The following TCF4 variants were observed in gnomAD, a reference collection of about 807,000 sequenced individuals.
TCF4 encodes the protein transcription factor 4.
TCF4 carries 3 observed loss-of-function variants against 82.1 expected under a neutral mutation model. The ratio of observed to expected loss-of-function variants is 0.04; its 90% CI spans 0.02 to 0.09. The LOEUF (loss-of-function observed/expected upper bound fraction) is 0.09. TCF4 is among the 10% of genes least tolerant of loss of function. The pLI, the probability that TCF4 is intolerant of heterozygous loss-of-function variation, is 1.00. For missense variants in TCF4, 518 were observed against 852.7 expected (o/e 0.61, Z 4.89); for synonymous variants, 276 against 309.6 (o/e 0.89, Z 1.14).
intron 8 of TCF4, among the ~76,000 whole-genome samples, chr18:55,330,320 C>CA (rs1569034801): frequency 6.6e-6 from 1 of 150,834 alleles, no homozygotes; most frequent in African/African-American, 2.4e-5. Context: ...GCTAGGAGTA[C>CA]AGGTGTGTGC....
chr18:55,342,609 A>T (rs1055507937), intron 8 of TCF4, among the ~76,000 whole-genome samples: 12 of 152,212 alleles, frequency 7.9e-5, no homozygotes, highest in African/African-American at 2.7e-4. Context: ...TTTAGTAGTA[A>T]CGCAAAATGA....
chr18:55,347,768 G>A (rs974241235), intron 8 of TCF4, among the ~76,000 whole-genome samples: 11 of 152,074 alleles, frequency 7.2e-5, no homozygotes, highest in African/African-American at 2.7e-4. Flanking sequence ...GAAAGAGAGG[G>A]CCCACTTCAA....
chr18:55,471,564 C>G (rs1191324723), intron 3 of TCF4, among the ~76,000 whole-genome samples: 1 of 152,020 alleles, frequency 6.6e-6, no homozygotes, highest in Non-Finnish European at 1.5e-5. Context: ...GCCAAGAGTT[C>G]GAGATCAGCC....
chr18:55,445,892 C>T (rs978291483), intron 5 of TCF4, among the ~76,000 whole-genome samples: 4 of 152,200 alleles, frequency 2.6e-5, no homozygotes, highest in African/African-American at 9.6e-5. Flanking sequence ...TTGATCCATA[C>T]AATAGCCATT....
chr18:55,569,584 C>T (rs535517334), intron 3 of TCF4, among the ~76,000 whole-genome samples: 83 of 151,398 alleles, frequency 5.5e-4, no homozygotes, highest in Admixed American at 1.4e-3. Flanking sequence ...AAAAGACTTT[C>T]TATATACAAG....
At chr18:55,434,629 C>A (rs12969536) in intron 5 of TCF4, among the ~76,000 whole-genome samples, 6 of 150,068 alleles carry the variant, frequency 4.0e-5, no homozygotes, top group Admixed American at 1.3e-4. Flanking sequence ...GGGTTTCACC[C>A]TGTTAGCCAG....
intron 3 of TCF4, among the ~76,000 whole-genome samples, chr18:55,507,602 G>A (rs922414035): frequency 2.6e-5 from 4 of 152,136 alleles, no homozygotes; most frequent in African/African-American, 9.7e-5. Flanking sequence ...CTACCTAGGG[G>A]TTCCATATTT....
intron 5 of TCF4, among the ~76,000 whole-genome samples, chr18:55,412,841 G>A (rs1012280593): frequency 6.6e-6 from 1 of 152,142 alleles, no homozygotes; most frequent in African/African-American, 2.4e-5. Context: ...TCACTTAACT[G>A]AATGTTCCAC....
chr18:55,355,652 T>A (rs1472182139), intron 6 of TCF4, among the ~76,000 whole-genome samples: 3 of 152,158 alleles, frequency 2.0e-5, no homozygotes, highest in Non-Finnish European at 2.9e-5. Context: ...TTCCTGAAGG[T>A]CCAAGAGTAC....
chr18:55,537,877 T>C (rs1164061471), intron 3 of TCF4, among the ~76,000 whole-genome samples: 4 of 152,148 alleles, frequency 2.6e-5, no homozygotes, highest in Non-Finnish European at 4.4e-5. Context: ...ATGGGACTTA[T>C]GCACCCAGGA....
intron 6 of TCF4, chr18:55,402,146 C>CAGG: frequency 1.0e-6 from 1 of 985,474 alleles, no homozygotes; most frequent in Non-Finnish European, 1.2e-6. Flanking sequence ...TGCACTCCGG[C>CAGG]AGGAGCTCTT....
chr18:55,259,872 T>C (rs772111984), intron 13 of TCF4, 77 bp downstream of exon 13: 8 of 1,298,302 alleles, frequency 6.2e-6, no homozygotes, highest in African/African-American at 1.5e-5. Flanking sequence ...AGTTTCCACC[T>C]ACAAAATCAG....
chr18:55,279,654 G>C lies in TCF4; in HGVS notation c.552C>G (p.Val184=). ...RKVPPGLPSS[V]YAPSASTADY... Reference sequence around the variant, plus strand: ...CGGCAGTGCTTGCTGATGGAGCATAGACCTGAGGAGAAAGAACCAACTGAG... The same window carrying C: ...CGGCAGTGCTTGCTGATGGAGCATACACCTGAGGAGAAAGAACCAACTGAG... The change falls in exon 9 of 20, where the codon GTC becomes GTG. Residue 184 remains valine (V), a splice_region_variant and synonymous_variant. Coordinates refer to ENST00000354452, the MANE Select transcript of TCF4 (RefSeq NM_001083962.2). 6.2e-7 allele frequency: 1 copy of C among 1,613,900 alleles called. No individual in the cohort carries two copies. The highest frequency in any genetic ancestry group is 8.5e-7 in the Non-Finnish European group (1 of 1,179,862).
intron 8 of TCF4, among the ~76,000 whole-genome samples, chr18:55,280,938 C>T (rs2062475435): frequency 6.6e-6 from 1 of 151,856 alleles, no homozygotes; most frequent in Admixed American, 6.6e-5. Flanking sequence ...TACATCCATA[C>T]ATCAAATAAA....
rs140936641 is a variant in TCF4 at position 55,408,081 on chromosome 18, C to T, written c.305-4563G>A. Among the ~76,000 whole-genome samples, 469 of 152,080 alleles carry T rather than the reference C, an allele frequency of 3.1e-3. 2 individuals carry two copies. Among genetic ancestry groups the T allele is most frequent in the Non-Finnish European group, 5.0e-3 (341 of 67,976 alleles). On this transcript the variant is annotated intron_variant, in intron 5 of 19. Transcript: ENST00000354452. ...GAGATAAGCTCTAACAGAGATGATC[C>T]CTCTTGTGGTTGACCAGTAGGATAA...
chr18:55,423,260 G>T (rs945993480), intron 5 of TCF4, among the ~76,000 whole-genome samples: 4 of 151,642 alleles, frequency 2.6e-5, no homozygotes, highest in African/African-American at 9.7e-5. Flanking sequence ...TATTGGCTCC[G>T]TTACAAAAAA....
intron 6 of TCF4, among the ~76,000 whole-genome samples, chr18:55,400,282 T>A (rs1432111646): frequency 6.6e-6 from 1 of 152,152 alleles, no homozygotes; most frequent in Non-Finnish European, 1.5e-5. Context: ...AGACTTTCCA[T>A]TATAAATTTC....
chr18:55,527,473 A>G (rs1210296074), intron 3 of TCF4, among the ~76,000 whole-genome samples: 1 of 152,228 alleles, frequency 6.6e-6, no homozygotes, highest in Non-Finnish European at 1.5e-5. Context: ...CCAAAAATTC[A>G]CATCCCTGGT....
intron 3 of TCF4, among the ~76,000 whole-genome samples, chr18:55,564,996 A>C (rs2097390544): frequency 1.3e-5 from 2 of 152,210 alleles, no homozygotes; most frequent in African/African-American, 4.8e-5. Context: ...AGAGAAAAAG[A>C]AAGCCCAGGT....
Sources: allele counts gnomAD v4.1 joint callset (sites outside exome capture counted in the v4.1 genomes callset), GRCh38; gene constraint gnomAD v4.1.1; transcripts MANE v1.5; gene names NCBI Gene and HGNC (gene_info 2026-07-23, HGNC 2026-07-21).